DEFB118: variants seen among roughly 807,000 people sequenced by gnomAD.
The protein encoded by DEFB118 is defensin, beta 18.
A neutral mutation model predicts 2.8 loss-of-function variants in DEFB118; 3 were observed. The ratio of observed to expected loss-of-function variants is 1.09; its 90% CI spans 0.50 to 2.82. The LOEUF (loss-of-function observed/expected upper bound fraction) is 2.82. DEFB118 is among the 30% of genes most tolerant of loss of function. The pLI is 0.04. For missense variants in DEFB118, 159 were observed against 144.6 expected (o/e 1.10, Z -0.51); for synonymous variants, 63 against 53.5 (o/e 1.18, Z -0.78).
chr20:31,373,280 A>G lies in DEFB118; in HGVS notation c.*110A>G. 2 of 938,346 alleles carry G rather than the reference A, an allele frequency of 2.1e-6. No individual in the cohort carries two copies. The highest frequency in any genetic ancestry group is 5.2e-5 in the East Asian group (2 of 38,520). The allele number at this position is 938,346 out of a possible 1,614,324, so 58.1% of individuals were successfully genotyped here. A position where few individuals can be genotyped will look rare whatever the true frequency, so the allele number is the denominator to read the frequency against. Reference sequence around the variant, plus strand: ...CCCTCCCACCCCCCACCAATATGTAATTCTATTAATAGAAACAGCTGTGTA... The same window carrying G: ...CCCTCCCACCCCCCACCAATATGTAGTTCTATTAATAGAAACAGCTGTGTA... On this transcript the variant is annotated 3_prime_UTR_variant, in exon 2 of 2. Coordinates refer to ENST00000253381, the MANE Select transcript of DEFB118 (RefSeq NM_054112.3).
At chr20:31,369,307 T>G (rs1352566920) in intron 1 of DEFB118, among the ~76,000 whole-genome samples, 2 of 151,984 alleles carry the variant, frequency 1.3e-5, no homozygotes, top group African/African-American at 2.4e-5. Context: ...TGATCGAACT[T>G]ACATAAAAAT....
intron 1 of DEFB118, among the ~76,000 whole-genome samples, chr20:31,371,276 G>A (rs947553384): frequency 3.3e-5 from 5 of 151,900 alleles, no homozygotes; most frequent in Admixed American, 6.6e-5. Flanking sequence ...CTCGTAGCTC[G>A]CCCTCTCTCT....
At chr20:31,369,647 C>T (rs1254256998) in intron 1 of DEFB118, among the ~76,000 whole-genome samples, 2 of 152,130 alleles carry the variant, frequency 1.3e-5, no homozygotes, top group Non-Finnish European at 2.9e-5. Context: ...GCCTCGGTCT[C>T]CCAAAGTGCT....
At chr20:31,371,690 A>T (rs1362698477) in intron 1 of DEFB118, among the ~76,000 whole-genome samples, 2 of 151,880 alleles carry the variant, frequency 1.3e-5, no homozygotes, top group African/African-American at 4.8e-5. Flanking sequence ...ATAATTTTTT[A>T]TTTTTTTAAT....
intron 1 of DEFB118, among the ~76,000 whole-genome samples, chr20:31,370,752 G>T (rs1011808005): frequency 6.6e-6 from 1 of 151,978 alleles, no homozygotes; most frequent in Non-Finnish European, 1.5e-5. Context: ...TTGCTTTTTT[G>T]TATTTGTTTC....
rs1287751709 is a variant in DEFB118 at position 31,373,335 on chromosome 20, T to A, written c.*165T>A. ...AGTCTAAAATTTTCACTATTTCCAA[T>A]GATAAACTCTTCAGTGCTCTTCTTG... On this transcript the variant is annotated 3_prime_UTR_variant, in exon 2 of 2. Transcript: ENST00000253381. 9.8e-6 allele frequency: 6 copies of A among 611,748 alleles called. No homozygotes were observed. The highest frequency in any genetic ancestry group is 1.8e-5 in the African/African-American group (1 of 54,182). The allele number at this position is 611,748 out of a possible 1,614,324, so 37.9% of individuals were successfully genotyped here.
At chr20:31,370,873 C>T (rs977177591) in intron 1 of DEFB118, among the ~76,000 whole-genome samples, 13 of 152,130 alleles carry the variant, frequency 8.5e-5, no homozygotes, top group African/African-American at 3.1e-4. Context: ...GCCTCAGCCT[C>T]CCGAGTAGCT....
rs749282580 is a variant in DEFB118 at position 31,368,621 on chromosome 20, G to A, written c.-30G>A. 7 of 1,611,924 alleles carry A rather than the reference G, an allele frequency of 4.3e-6. 1 individual carries two copies. In the South Asian group the frequency reaches 5.5e-5, roughly 13 times the overall value. On this transcript the variant is annotated 5_prime_UTR_variant, in exon 1 of 2. Coordinates refer to ENST00000253381, the MANE Select transcript of DEFB118 (RefSeq NM_054112.3). ...ACTGCACACAGTATTCTGAACTCCT[G>A]GATCTACCACCTCCTGCTTCCCAAG...
rs1986156411 is a variant in DEFB118, at chr20:31,368,627, A to T, written c.-24A>T. On this transcript the variant is annotated 5_prime_UTR_variant, in exon 1 of 2. Transcript: ENST00000253381. ...CACAGTATTCTGAACTCCTGGATCTACCACCTCCTGCTTCCCAAGGACCAT... is the reference window on the plus strand; with the variant it reads ...CACAGTATTCTGAACTCCTGGATCTTCCACCTCCTGCTTCCCAAGGACCAT... 3 of 1,612,912 alleles carry T rather than the reference A, an allele frequency of 1.9e-6. No individual in the cohort carries two copies. The highest frequency in any genetic ancestry group is 2.5e-6 in the Non-Finnish European group (3 of 1,179,134).
chr20:31,373,275 A>G lies in DEFB118; in HGVS notation c.*105A>G, dbSNP rs1427745280. The G allele has an allele frequency of 1.0e-6, 1 of 961,724 alleles. No individual in the cohort carries two copies. Among genetic ancestry groups the G allele is most frequent in the Admixed American group, 2.8e-5 (1 of 36,068 alleles). 59.6% of individuals were successfully genotyped at this position (961,724 alleles called of 1,614,324 possible). A position where few individuals can be genotyped will look rare whatever the true frequency, so the allele number is the denominator to read the frequency against. On this transcript the variant is annotated 3_prime_UTR_variant, in exon 2 of 2. Transcript: ENST00000253381. Reference sequence around the variant, plus strand: ...AGTGACCCTCCCACCCCCCACCAATATGTAATTCTATTAATAGAAACAGCT... The same window carrying G: ...AGTGACCCTCCCACCCCCCACCAATGTGTAATTCTATTAATAGAAACAGCT...
At chr20:31,369,737 T>C (rs1600498600) in intron 1 of DEFB118, among the ~76,000 whole-genome samples, 3 of 152,206 alleles carry the variant, frequency 2.0e-5, no homozygotes, top group Admixed American at 1.3e-4. Flanking sequence ...CATCTTTCCA[T>C]GTCACCATCT....
chr20:31,371,384 C>CT (rs962056477), intron 1 of DEFB118, among the ~76,000 whole-genome samples: 103 of 152,164 alleles, frequency 6.8e-4, no homozygotes, highest in Middle Eastern at 3.4e-3. Context: ...TAATGCTTAT[C>CT]TTTTTTTTGT....
intron 1 of DEFB118, among the ~76,000 whole-genome samples, chr20:31,370,190 C>G (rs990273923): frequency 2.0e-5 from 3 of 152,070 alleles, no homozygotes; most frequent in Non-Finnish European, 4.4e-5. Context: ...TGTTCCTACC[C>G]CAAGGGATTC....
chr20:31,370,226 A>G (rs1373242413), intron 1 of DEFB118, among the ~76,000 whole-genome samples: 1 of 152,146 alleles, frequency 6.6e-6, no homozygotes. Context: ...CAGTAATCAG[A>G]AGTTGTGTAT....
chr20:31,371,890 G>A (rs545309179), intron 1 of DEFB118, among the ~76,000 whole-genome samples: 7 of 150,918 alleles, frequency 4.6e-5, no homozygotes, highest in South Asian at 2.1e-4. Context: ...CACTCTGTAC[G>A]CCCTTGTGTA....
In DEFB118 at chr20:31,373,013, C is replaced by A; in HGVS notation, c.215C>A (p.Pro72His). ...CGAGTTCCTGCGACATCTCCCACACCCTTGAGTGACTCAACACCAGGAATT... is the reference window on the plus strand; with the variant it reads ...CGAGTTCCTGCGACATCTCCCACACACTTGAGTGACTCAACACCAGGAATT... The part of the protein sequence containing the change: ...HRRVPATSPT[P>H]LSDSTPGIID... Residue 72 changes from proline to histidine, a missense_variant, in exon 2 of 2, where the codon CCC (proline) becomes CAC (histidine). Coordinates refer to ENST00000253381, the MANE Select transcript of DEFB118 (RefSeq NM_054112.3). 6.2e-6 allele frequency: 10 copies of A among 1,614,180 alleles called. No homozygotes were observed. Among genetic ancestry groups the A allele is most frequent in the Non-Finnish European group, 8.5e-6 (10 of 1,180,038 alleles).
Position 31,372,930 on chromosome 20 carries a change from G to A in DEFB118, c.132G>A (p.Val44=). 1 of 1,614,182 alleles carries A rather than the reference G, an allele frequency of 6.2e-7. No homozygotes were observed. The highest frequency in any genetic ancestry group is 8.5e-7 in the Non-Finnish European group (1 of 1,180,026). Residue 44 remains valine (V), a synonymous_variant, in exon 2 of 2, where the codon GTG becomes GTA. Transcript: ENST00000253381. ...CRKQCKDGEA[V]KDTCKNLRAC... The stretch of plus-strand genomic sequence containing the variant: ...AACAATGCAAAGATGGAGAAGCAGT[G>A]AAAGATACATGCAAAAATCTTCGAG...
At chr20:31,370,274 G>T (rs933253742) in intron 1 of DEFB118, among the ~76,000 whole-genome samples, 2 of 152,148 alleles carry the variant, frequency 1.3e-5, no homozygotes, top group Non-Finnish European at 2.9e-5. Context: ...CCAACTCTGG[G>T]GGTTTTTAGT....
chr20:31,369,857 A>G (rs1986184037), intron 1 of DEFB118, among the ~76,000 whole-genome samples: 1 of 152,200 alleles, frequency 6.6e-6, no homozygotes, highest in Non-Finnish European at 1.5e-5. Context: ...CAAGACATCA[A>G]TGAATATGCT....
Sources: allele counts gnomAD v4.1 joint callset (sites outside exome capture counted in the v4.1 genomes callset), GRCh38; gene constraint gnomAD v4.1.1; transcripts MANE v1.5; gene names NCBI Gene and HGNC (gene_info 2026-07-23, HGNC 2026-07-21).